The following RGS7BP variants were observed in gnomAD, a reference collection of about 807,000 sequenced individuals.
RGS7BP encodes regulator of G protein signaling 7 binding protein.
A neutral mutation model predicts 31.3 loss-of-function variants in RGS7BP; 9 were observed. The observed-to-expected ratio is 0.29, with a 90% CI of 0.17 to 0.50. The LOEUF is 0.50. Ranked by LOEUF, RGS7BP falls within the 20% of genes least tolerant of loss-of-function variation. RGS7BP has a pLI of 0.98. For synonymous variants in RGS7BP, 115 were observed against 120.1 expected (o/e 0.96, Z 0.28); for missense variants, 274 against 322.0 (o/e 0.85, Z 1.14).
intron 2 of RGS7BP, among the ~76,000 whole-genome samples, chr5:64,508,690 A>G (rs1440297421): frequency 6.6e-6 from 1 of 152,190 alleles, no homozygotes; most frequent in Non-Finnish European, 1.5e-5. Flanking sequence ...CAAATACATC[A>G]ATACATTAAT....
chr5:64,567,978 T>C (rs1742210506), intron 2 of RGS7BP, among the ~76,000 whole-genome samples: 1 of 152,086 alleles, frequency 6.6e-6, no homozygotes, highest in South Asian at 2.1e-4. Context: ...AAAATCTTGA[T>C]TTTAGATGCA....
chr5:64,590,558 T>C (rs1336941059), intron 3 of RGS7BP, among the ~76,000 whole-genome samples: 1 of 152,186 alleles, frequency 6.6e-6, no homozygotes, highest in East Asian at 1.9e-4. Context: ...GAAAACATTT[T>C]AAATAAACCA....
At chr5:64,531,121 A>G (rs1351840389) in intron 2 of RGS7BP, among the ~76,000 whole-genome samples, 1 of 152,196 alleles carries the variant, frequency 6.6e-6, no homozygotes, top group Non-Finnish European at 1.5e-5. Context: ...TACTCTCCCC[A>G]TGGAAAGACA....
chr5:64,555,997 G>A (rs879806530), intron 2 of RGS7BP, among the ~76,000 whole-genome samples: 6 of 152,124 alleles, frequency 3.9e-5, no homozygotes, highest in South Asian at 2.1e-4. Context: ...AAATTCTGTC[G>A]ATTTGTGCTG....
At chr5:64,570,371 C>T (rs772944443) in intron 2 of RGS7BP, among the ~76,000 whole-genome samples, 9 of 152,076 alleles carry the variant, frequency 5.9e-5, no homozygotes, top group African/African-American at 1.7e-4. Context: ...AACTGAGTCT[C>T]GGAGAAGTTA....
At position 64,596,457 on chromosome 5, in the gene RGS7BP, C is replaced by G. The variant is rs34022505; in HGVS notation, c.611+1600C>G. Among the ~76,000 whole-genome samples, 779 of 152,314 alleles carry G rather than the reference C, an allele frequency of 5.1e-3. 2 individuals are homozygous for G. Among genetic ancestry groups the G allele is most frequent in the Non-Finnish European group, 7.7e-3 (521 of 68,028 alleles). ...GGTGAGACCTGGGCTTAAGGTGATTCTCCTGTGCAGCAGCCAAGGTTGAGA... is the reference window on the plus strand; with the variant it reads ...GGTGAGACCTGGGCTTAAGGTGATTGTCCTGTGCAGCAGCCAAGGTTGAGA... On this transcript the variant is annotated intron_variant, in intron 4 of 5. Coordinates refer to ENST00000334025, the MANE Select transcript of RGS7BP (RefSeq NM_001029875.3).
intron 2 of RGS7BP, among the ~76,000 whole-genome samples, chr5:64,552,025 C>T (rs546913303): frequency 6.6e-6 from 1 of 152,248 alleles, no homozygotes; most frequent in East Asian, 1.9e-4. Context: ...GTATTAGAAG[C>T]TGGATATGTG....
chr5:64,573,915 A>C (rs1216059877), intron 2 of RGS7BP, among the ~76,000 whole-genome samples: 1 of 152,194 alleles, frequency 6.6e-6, no homozygotes, highest in Non-Finnish European at 1.5e-5. Flanking sequence ...TAATATGTAC[A>C]ATTATTATGT....
intron 2 of RGS7BP, among the ~76,000 whole-genome samples, chr5:64,509,574 G>A (rs990159025): frequency 1.3e-5 from 2 of 151,944 alleles, no homozygotes; most frequent in African/African-American, 4.8e-5. Flanking sequence ...TTCTTTGAGA[G>A]GTATTATAGC....
intron 2 of RGS7BP, among the ~76,000 whole-genome samples, chr5:64,508,100 A>G (rs1013742856): frequency 2.6e-5 from 4 of 152,230 alleles, no homozygotes; most frequent in African/African-American, 9.6e-5. Flanking sequence ...TTTGGATCAA[A>G]TGATTTTTTA....
At chr5:64,588,792 C>A (rs1742828221) in intron 3 of RGS7BP, among the ~76,000 whole-genome samples, 1 of 151,804 alleles carries the variant, frequency 6.6e-6, no homozygotes, top group Non-Finnish European at 1.5e-5. Flanking sequence ...CCCAAAAAAT[C>A]ATTTGAGTAT....
At chr5:64,548,100 CTTA>C (rs1741703217) in intron 2 of RGS7BP, among the ~76,000 whole-genome samples, 1 of 151,944 alleles carries the variant, frequency 6.6e-6, no homozygotes, top group South Asian at 2.1e-4. Context: ...AGCAATATAA[CTTA>C]TTATTATCTA....
chr5:64,541,136 G>A (rs1049777018), intron 2 of RGS7BP, among the ~76,000 whole-genome samples: 3 of 152,070 alleles, frequency 2.0e-5, no homozygotes, highest in Non-Finnish European at 2.9e-5. Flanking sequence ...TGCTGGTGAC[G>A]GCCCCAGGAA....
At chr5:64,591,673 G>A (rs1742919808) in intron 3 of RGS7BP, among the ~76,000 whole-genome samples, 1 of 152,048 alleles carries the variant, frequency 6.6e-6, no homozygotes, top group South Asian at 2.1e-4. Context: ...TGGAAAAAGA[G>A]AACAATTAAA....
intron 4 of RGS7BP, among the ~76,000 whole-genome samples, chr5:64,596,299 C>T (rs1022982699): frequency 7.2e-5 from 11 of 152,146 alleles, no homozygotes; most frequent in African/African-American, 1.4e-4. Flanking sequence ...TGGCTAACTC[C>T]GTTCTCCCTG....
At chr5:64,572,516 C>T (rs545972192) in intron 2 of RGS7BP, among the ~76,000 whole-genome samples, 1 of 152,216 alleles carries the variant, frequency 6.6e-6, no homozygotes, top group East Asian at 1.9e-4. Flanking sequence ...TAAAAGATAC[C>T]TTAGCTTTTC....
intron 2 of RGS7BP, among the ~76,000 whole-genome samples, chr5:64,508,747 T>G (rs1748759230): frequency 6.6e-6 from 1 of 152,238 alleles, no homozygotes; most frequent in Admixed American, 6.5e-5. Flanking sequence ...TGTTTATCTA[T>G]GTGAGTATAG....
At chr5:64,602,562 G>A (rs1305535255) in intron 5 of RGS7BP, among the ~76,000 whole-genome samples, 1 of 152,260 alleles carries the variant, frequency 6.6e-6, no homozygotes, top group East Asian at 1.9e-4. Flanking sequence ...TAGGTGCTGA[G>A]GAGGTCTCTC....
intron 2 of RGS7BP, among the ~76,000 whole-genome samples, chr5:64,514,979 T>C (rs1297014693): frequency 6.6e-6 from 1 of 152,226 alleles, no homozygotes. Context: ...TGTTAGAGTC[T>C]TCTTAATAGA....
Sources: allele counts gnomAD v4.1 joint callset (sites outside exome capture counted in the v4.1 genomes callset), GRCh38; gene constraint gnomAD v4.1.1; transcripts MANE v1.5; gene names NCBI Gene and HGNC (gene_info 2026-07-23, HGNC 2026-07-21).